Variants in KEL observed in about 807,000 individuals in gnomAD.
The protein encoded by KEL is kell blood group glycoprotein.
In KEL, 96 loss-of-function variants were observed where a neutral mutation model predicts 99.5. That is an observed-to-expected ratio of 0.97 (90% CI 0.82 to 1.14). KEL has a LOEUF of 1.14. KEL is among the 50% of genes most tolerant of loss of function. KEL has a pLI of 0.00. For missense variants in KEL, 926 were observed against 924.2 expected (o/e 1.00, Z -0.03); for synonymous variants, 355 against 354.8 (o/e 1.00, Z -0.01).
rs772709870 is a variant in KEL at position 142,941,389 on chromosome 7, G to T, written c.2062C>A (p.Gln688Lys). ...AQVMCRKPSP[Q>K]DSHDTHSPPH... The stretch of plus-strand genomic sequence containing the variant: ...GGGCTGTGAGTGTCGTGAGAGTCCT[G>T]GGGGCTGGGCTTCCTACACATCACC... Residue 688 changes from glutamine (Q) to lysine (K), a missense_variant, in exon 19 of 19, where the codon CAG (glutamine) becomes AAG (lysine). Coordinates refer to ENST00000355265, the MANE Select transcript of KEL (RefSeq NM_000420.3). 6.2e-7 allele frequency: 1 copy of T among 1,606,570 alleles called. No homozygotes were observed. The highest frequency in any genetic ancestry group is 1.7e-5 in the Admixed American group (1 of 59,794).
At chr7:142,944,003 A>T (rs750741398) in intron 13 of KEL, 120 bp from the exon 14 acceptor site, 12 of 805,962 alleles carry the variant, frequency 1.5e-5, no homozygotes, top group Non-Finnish European at 2.6e-5. Context: ...GCATCCAGGG[A>T]TTAGGAGAGA....
chr7:142,950,072 C>T (rs1796643296), intron 10 of KEL, among the ~76,000 whole-genome samples: 2 of 152,184 alleles, frequency 1.3e-5, no homozygotes, highest in South Asian at 4.1e-4. Context: ...TAAAACCAAA[C>T]ATTTTGATCA....
chr7:142,949,929 T>C (rs958351589), intron 10 of KEL, among the ~76,000 whole-genome samples: 1 of 152,256 alleles, frequency 6.6e-6, no homozygotes, highest in Non-Finnish European at 1.5e-5. Flanking sequence ...TCATTGACTA[T>C]AACTCTATTC....
At chr7:142,941,893 C>T (rs992176450) in intron 18 of KEL, among the ~76,000 whole-genome samples, 3 of 151,668 alleles carry the variant, frequency 2.0e-5, no homozygotes, top group Non-Finnish European at 4.4e-5. Flanking sequence ...ACTGCAACCT[C>T]CGCCTCCCAG....
At chr7:142,946,087 C>T in intron 11 of KEL, 120 bp downstream of exon 11, 2 of 750,220 alleles carry the variant, frequency 2.7e-6, no homozygotes, top group Non-Finnish European at 4.6e-6. Flanking sequence ...TGGCCCTTCT[C>T]TGACTGCCCA....
chr7:142,945,870 C>A (rs1037320828), intron 11 of KEL, among the ~76,000 whole-genome samples: 1 of 152,116 alleles, frequency 6.6e-6, no homozygotes, highest in African/African-American at 2.4e-5. Flanking sequence ...TCAGGTGATC[C>A]GCCCACCTCA....
At chr7:142,953,665 C>T in intron 9 of KEL, 143 bp downstream of exon 9, 1 of 988,874 alleles carries the variant, frequency 1.0e-6, no homozygotes, top group Non-Finnish European at 1.6e-6. Context: ...CGCTTCTCTG[C>T]CCGCACAGGT....
chr7:142,960,817 G>T, intron 4 of KEL, 111 bp downstream of exon 4: 3 of 1,106,782 alleles, frequency 2.7e-6, no homozygotes, highest in Non-Finnish European at 4.2e-6. Flanking sequence ...TCCCACCTGG[G>T]ATGGTGCAAA....
At position 142,958,445 on chromosome 7, in the gene KEL, G is replaced by A. The variant is rs1353405782; in HGVS notation, c.401-17C>T. The A allele has an allele frequency of 6.2e-7, 1 of 1,613,352 alleles. No individual in the cohort carries two copies. The highest frequency in any genetic ancestry group is 2.2e-5 in the East Asian group (1 of 44,874). ...TCTGGACCTCTAGAAAGGAAGCATGGGAGTGAGGACTAAACTCTGATTTTT... is the reference window on the plus strand; with the variant it reads ...TCTGGACCTCTAGAAAGGAAGCATGAGAGTGAGGACTAAACTCTGATTTTT... On this transcript the variant is annotated splice_polypyrimidine_tract_variant and intron_variant, in intron 4 of 18. Transcript: ENST00000355265.
chr7:142,960,900 A>G (rs202038858), intron 4 of KEL, 28 bp downstream of exon 4: 7 of 1,611,848 alleles, frequency 4.3e-6, no homozygotes, highest in Non-Finnish European at 5.9e-6. Flanking sequence ...CCACTTGCAC[A>G]GAGCATCTTC....
rs552002822 is a variant in KEL at position 142,951,065 on chromosome 7, A to G, written c.1203+1444T>C. On this transcript the variant is annotated intron_variant, in intron 10 of 18. Transcript: ENST00000355265. ...GCTATTATCATTATTATTAAGTGCC[A>G]TCTTTTATACTATTGTTCCAGAAAG... 1.7e-3 allele frequency among the ~76,000 whole-genome samples: 260 copies of G among 152,340 alleles called. 2 individuals carry two copies. The highest frequency in any genetic ancestry group is 5.8e-3 in the African/African-American group (240 of 41,584).
chr7:142,941,750 G>A (rs1051508838), intron 18 of KEL, among the ~76,000 whole-genome samples: 3 of 151,944 alleles, frequency 2.0e-5, no homozygotes, highest in East Asian at 1.9e-4. Context: ...TCAAGTGGGC[G>A]CCACACCTAA....
chr7:142,961,340 G>C lies in KEL; in HGVS notation c.223+20C>G. On this transcript the variant is annotated intron_variant, in intron 3 of 18. Coordinates refer to ENST00000355265, the MANE Select transcript of KEL (RefSeq NM_000420.3). ...CTGGGGGAGGGCTGACTAGGTTAGG[G>C]GGTCTGGGATCTTGCTTACGAGGGC... 6.2e-7 allele frequency: 1 copy of C among 1,612,864 alleles called. No individual in the cohort carries two copies. Among genetic ancestry groups the C allele is most frequent in the Non-Finnish European group, 8.5e-7 (1 of 1,180,020 alleles).
chr7:142,947,837 T>C (rs918700143), intron 10 of KEL, among the ~76,000 whole-genome samples: 1 of 152,212 alleles, frequency 6.6e-6, no homozygotes, highest in Non-Finnish European at 1.5e-5. Flanking sequence ...TTGTCTCTGA[T>C]AAAGAGAAGA....
At chr7:142,943,385 C>T in intron 15 of KEL, 42 bp from the exon 16 acceptor site, 1 of 1,612,602 alleles carries the variant, frequency 6.2e-7, no homozygotes, top group Non-Finnish European at 8.5e-7. Flanking sequence ...AATCTCTCAG[C>T]ATTTGTGACC....
intron 12 of KEL, 100 bp from the exon 13 acceptor site, chr7:142,944,500 G>A (rs1796459459): frequency 8.2e-7 from 1 of 1,214,198 alleles, no homozygotes; most frequent in Admixed American, 1.7e-5. Flanking sequence ...ATTGTTGCCA[G>A]TGTGAGTATA....
At chr7:142,958,975 G>A (rs1796894817) in intron 4 of KEL, among the ~76,000 whole-genome samples, 1 of 151,968 alleles carries the variant, frequency 6.6e-6, no homozygotes, top group Non-Finnish European at 1.5e-5. Flanking sequence ...ACCCCTTTGA[G>A]TTGTTCCACC....
At chr7:142,942,056 A>G (rs1319971875) in intron 18 of KEL, 11 of 264,074 alleles carry the variant, frequency 4.2e-5, no homozygotes, top group East Asian at 8.4e-5. Context: ...TGATCCGCCC[A>G]CCTCGGCCTC....
In KEL at chr7:142,952,617, C is replaced by A. The variant is rs1417250801; in HGVS notation, c.1095G>T (p.Met365Ile). 6.2e-7 allele frequency: 1 copy of A among 1,614,116 alleles called. No homozygotes were observed. Among genetic ancestry groups the A allele is most frequent in the South Asian group, 1.1e-5 (1 of 91,074 alleles). ...AAAGGGTCACCACCAGCCCTAAGAT[C>A]ATGTGGCTCTGCAGAAAGTCCCTAT... Reference protein sequence around the residue: ...LKQRDFLQSHMILGLVVTLSP... With the variant: ...LKQRDFLQSHIILGLVVTLSP... Residue 365 changes from methionine (M) to isoleucine (I), a missense_variant, in exon 10 of 19, where the codon ATG (methionine) becomes ATT (isoleucine). Physicochemically the swap from Met to Ile is conservative, Grantham distance 10. Transcript: ENST00000355265.
Sources: allele counts gnomAD v4.1 joint callset (sites outside exome capture counted in the v4.1 genomes callset), GRCh38; gene constraint gnomAD v4.1.1; transcripts MANE v1.5; gene names NCBI Gene and HGNC (gene_info 2026-07-23, HGNC 2026-07-21).